HDAC9: variants seen among roughly 807,000 people sequenced by gnomAD.
HDAC9 encodes histone deacetylase 9.
A neutral mutation model predicts 139.4 loss-of-function variants in HDAC9; 41 were observed. That is an observed-to-expected ratio of 0.29 (90% CI 0.23 to 0.38). The LOEUF (loss-of-function observed/expected upper bound fraction) is 0.38. HDAC9 is among the 10% of genes least tolerant of loss of function. The pLI, the probability that HDAC9 is intolerant of heterozygous loss-of-function variation, is 1.00. For missense variants in HDAC9, 1,147 were observed against 1,297.0 expected, an observed-to-expected ratio of 0.88 and a Z score of 1.78; for synonymous variants, 517 against 476.2, an observed-to-expected ratio of 1.09 and a Z score of -1.12.
chr7:18,263,725 C>T (rs1176211310), intron 2 of HDAC9, among the ~76,000 whole-genome samples: 1 of 152,088 alleles, frequency 6.6e-6, no homozygotes, highest in Non-Finnish European at 1.5e-5. Context: ...TCTCATGCCC[C>T]AGCCTCCCAA....
At chr7:18,980,832 T>A (rs1466230105) in intron 25 of HDAC9, among the ~76,000 whole-genome samples, 4 of 147,488 alleles carry the variant, frequency 2.7e-5, no homozygotes, top group Non-Finnish European at 4.5e-5. Context: ...CTTCTTCTTC[T>A]TTTTTTTTTG....
intron 1 of HDAC9, among the ~76,000 whole-genome samples, chr7:18,397,027 G>GA (rs993930951): frequency 8.0e-5 from 12 of 150,036 alleles, no homozygotes; most frequent in East Asian, 1.9e-4. Flanking sequence ...CTCTATGTTG[G>GA]AAAAAAAAAG....
intron 1 of HDAC9, among the ~76,000 whole-genome samples, chr7:18,096,810 C>T (rs551744328): frequency 8.5e-4 from 129 of 151,880 alleles, no homozygotes; most frequent in African/African-American, 3.1e-3. Context: ...TCTCTGAATG[C>T]GTAGCACAGC....
At chr7:18,112,215 T>C (rs1354142609) in intron 1 of HDAC9, among the ~76,000 whole-genome samples, 2 of 152,228 alleles carry the variant, frequency 1.3e-5, no homozygotes, top group African/African-American at 4.8e-5. Flanking sequence ...AGTCTATGTT[T>C]ATTGACTCTT....
intron 2 of HDAC9, among the ~76,000 whole-genome samples, chr7:18,581,786 A>T (rs947054789): frequency 6.6e-6 from 1 of 152,198 alleles, no homozygotes; most frequent in Non-Finnish European, 1.5e-5. Context: ...TAAAAGTTCT[A>T]CATTGGGTGC....
chr7:18,766,172 T>C (rs540351956), intron 15 of HDAC9, among the ~76,000 whole-genome samples: 58 of 152,190 alleles, frequency 3.8e-4, no homozygotes, highest in Non-Finnish European at 3.4e-4. Context: ...TTGTACCTGG[T>C]TCTACCACTG....
chr7:18,932,215 T>TA (rs954075002), intron 22 of HDAC9, among the ~76,000 whole-genome samples: 1 of 152,194 alleles, frequency 6.6e-6, no homozygotes. Context: ...ACAAAGCATA[T>TA]AAAAAATGAA....
At chr7:18,941,684 A>G (rs1450290282) in intron 23 of HDAC9, among the ~76,000 whole-genome samples, 3 of 152,136 alleles carry the variant, frequency 2.0e-5, no homozygotes, top group Admixed American at 1.3e-4. Context: ...ATGTCAGAAT[A>G]GTGTTTTTCT....
intron 1 of HDAC9, among the ~76,000 whole-genome samples, chr7:18,450,284 T>C (rs1164744144): frequency 6.6e-6 from 1 of 152,234 alleles, no homozygotes; most frequent in Non-Finnish European, 1.5e-5. Context: ...GTTCTAATTA[T>C]TACATCAACA....
At chr7:18,138,192 C>G (rs180681186) in intron 1 of HDAC9, among the ~76,000 whole-genome samples, 169 of 152,184 alleles carry the variant, frequency 1.1e-3, no homozygotes, top group African/African-American at 3.8e-3. Flanking sequence ...TGATTCTTCT[C>G]TCTTTTTTTC....
chr7:18,177,172 A>G (rs1239213390), intron 2 of HDAC9, among the ~76,000 whole-genome samples: 1 of 152,178 alleles, frequency 6.6e-6, no homozygotes, highest in East Asian at 1.9e-4. Flanking sequence ...TGGGGTCTAT[A>G]TAAGTAAGTT....
Position 18,793,349 on chromosome 7 carries a change from A to T in HDAC9, c.2219A>T (p.Asp740Val). 1 of 1,569,766 alleles carries T rather than the reference A, an allele frequency of 6.4e-7. No homozygotes were observed. The change falls in exon 17 of 26, where the codon GAC becomes GTC. Residue 740 changes from aspartate to valine, a missense_variant. Coordinates refer to ENST00000686413, the MANE Select transcript of HDAC9 (RefSeq NM_178425.4). ...SSLPCGGLGV[D>V]SDTIWNELHS... is the part of the protein sequence containing the mutation. ...CTCTGCTGACTGTTTGCTCAGGTGG[A>T]CAGTGACACCATTTGGAATGAGCTA...
At chr7:18,840,033 G>T (rs1474602075) in intron 21 of HDAC9, among the ~76,000 whole-genome samples, 1 of 152,040 alleles carries the variant, frequency 6.6e-6, no homozygotes, top group Non-Finnish European at 1.5e-5. Flanking sequence ...TTATTTAGTA[G>T]TCCTTGAAAT....
intron 1 of HDAC9, among the ~76,000 whole-genome samples, chr7:18,467,370 T>C (rs564074528): frequency 2.6e-4 from 40 of 152,308 alleles, no homozygotes; most frequent in African/African-American, 9.1e-4. Flanking sequence ...CTATCATATA[T>C]ACTGGTCTCC....
intron 1 of HDAC9, among the ~76,000 whole-genome samples, chr7:18,418,839 A>C (rs1789344685): frequency 6.6e-6 from 1 of 152,120 alleles, no homozygotes; most frequent in Non-Finnish European, 1.5e-5. Context: ...GAGTCCCCAT[A>C]ACATTTTTGT....
chr7:18,991,002 C>G (rs1003602952), intron 25 of HDAC9, among the ~76,000 whole-genome samples: 2 of 152,248 alleles, frequency 1.3e-5, no homozygotes, highest in Non-Finnish European at 2.9e-5. Context: ...AATCACCCGT[C>G]TTCTGCGTTG....
rs1240068506 is a variant in HDAC9 at position 18,368,804 on chromosome 7, A to T, written c.-42+78289A>T. ...TACCTAAGTAGTAGCCAAGTCAAAG[A>T]GAGAAATGCCTCTCTGTGGTGCCCC... On this transcript the variant is annotated intron_variant, in intron 1 of 3. Coordinates refer to the HDAC9 transcript ENST00000413509. Among the ~76,000 whole-genome samples the T allele has an allele frequency of 1.3e-5, 2 of 152,098 alleles. 1 individual carries two copies.
intron 12 of HDAC9, among the ~76,000 whole-genome samples, chr7:18,672,657 G>T (rs955665762): frequency 6.6e-6 from 1 of 151,904 alleles, no homozygotes; most frequent in Admixed American, 6.6e-5. Flanking sequence ...TTACACTTAC[G>T]TTGCCTTCTT....
chr7:18,732,722 C>CACACACACGTGTATGTGTGCGTATGTGT lies in HDAC9; in HGVS notation c.1909+5006_1909+5033dup, dbSNP rs1469648097. Among the ~76,000 whole-genome samples the CACACACACGTGTATGTGTGCGTATGTGT allele has an allele frequency of 1.8e-3, 177 of 99,700 alleles. 6 individuals carry two copies. The highest frequency in any genetic ancestry group is 4.0e-3 in the Admixed American group (44 of 11,064). The allele number at this position is 99,700 out of a possible 152,430, so 65.4% of individuals were successfully genotyped here. On this transcript the variant is annotated intron_variant, in intron 13 of 25. Transcript: ENST00000686413. ...ACGTGTATGTGTGCGTATGTGTACA[C>CACACACACGTGTATGTGTGCGTATGTGT]ACACACACGTGTATGTGTGCGTATG...
Sources: allele counts gnomAD v4.1 joint callset (sites outside exome capture counted in the v4.1 genomes callset), GRCh38; gene constraint gnomAD v4.1.1; transcripts MANE v1.5; gene names NCBI Gene and HGNC (gene_info 2026-07-23, HGNC 2026-07-21).